The following SPAG16 variants were observed in gnomAD, a reference collection of about 807,000 sequenced individuals.
The protein encoded by SPAG16 is sperm associated antigen 16.
A neutral mutation model predicts 80.4 loss-of-function variants in SPAG16; 86 were observed. That is an observed-to-expected ratio of 1.07 (90% CI 0.90 to 1.28). The LOEUF is 1.28. SPAG16 is among the 50% of genes most tolerant of loss of function. The pLI is 0.00. For synonymous variants in SPAG16, 294 were observed against 265.9 expected, an observed-to-expected ratio of 1.11 and a Z score of -1.03; for missense variants, 870 against 765.3, an observed-to-expected ratio of 1.14 and a Z score of -1.61.
At chr2:213,426,474 A>AT (rs1347317683) in intron 9 of SPAG16, among the ~76,000 whole-genome samples, 2 of 151,544 alleles carry the variant, frequency 1.3e-5, no homozygotes, top group African/African-American at 4.9e-5. Context: ...CAATCTAATG[A>AT]TTCTTTTTTC....
intron 15 of SPAG16, among the ~76,000 whole-genome samples, chr2:214,232,817 G>T (rs576551033): frequency 6.6e-6 from 1 of 151,898 alleles, no homozygotes; most frequent in South Asian, 2.1e-4. Flanking sequence ...ATTCTGATGT[G>T]GTATGATTTT....
intron 9 of SPAG16, among the ~76,000 whole-genome samples, chr2:213,482,863 C>G (rs926341077): frequency 1.3e-5 from 2 of 152,016 alleles, no homozygotes; most frequent in Non-Finnish European, 2.9e-5. Context: ...TGCTTATATT[C>G]TTTTAAATAT....
chr2:214,356,010 T>A (rs1698770558), intron 15 of SPAG16, among the ~76,000 whole-genome samples: 1 of 109,208 alleles, frequency 9.2e-6, no homozygotes, highest in Non-Finnish European at 1.7e-5. Context: ...CATTACACTC[T>A]GGGGACTGTT....
chr2:213,415,071 C>T (rs992318994), intron 9 of SPAG16, among the ~76,000 whole-genome samples: 1 of 152,218 alleles, frequency 6.6e-6, no homozygotes, highest in African/African-American at 2.4e-5. Flanking sequence ...TCCCACAACA[C>T]GTGGGAATTA....
rs1168498687 is a variant in SPAG16 at position 214,174,524 on chromosome 2, G to A, written c.1720+25258G>A. The stretch of plus-strand genomic sequence containing the variant: ...AATACCTAGGAATCCAACTTACAAG[G>A]GACGTGAAGAGAAGTTATTAATGTT... On this transcript the variant is annotated intron_variant, in intron 15 of 15. Coordinates refer to ENST00000331683, the MANE Select transcript of SPAG16 (RefSeq NM_024532.5). Among the ~76,000 whole-genome samples, 3 of 151,946 alleles carry A rather than the reference G, an allele frequency of 2.0e-5. No individual in the cohort carries two copies. The South Asian group carries it at 6.2e-4, about 32-fold the overall frequency.
chr2:214,332,026 C>T lies in SPAG16; in HGVS notation c.1721-78114C>T, dbSNP rs557419042. Among the ~76,000 whole-genome samples, 5 of 152,252 alleles carry T rather than the reference C, an allele frequency of 3.3e-5. No homozygotes were observed. In the South Asian group the frequency reaches 8.3e-4, roughly 25 times the overall value. On this transcript the variant is annotated intron_variant, in intron 15 of 15. Coordinates refer to ENST00000331683, the MANE Select transcript of SPAG16 (RefSeq NM_024532.5). ...CAGCACTTTGGGAGGCTGAGGTGGG[C>T]AGATCACTCGAGGTCAGGAGTTCAA...
At chr2:214,092,377 A>C (rs2125319792) in intron 13 of SPAG16, among the ~76,000 whole-genome samples, 1 of 152,158 alleles carries the variant, frequency 6.6e-6, no homozygotes, top group Non-Finnish European at 1.5e-5. Context: ...GGTAGTTGTC[A>C]CTTTATTTTG....
At chr2:213,776,000 A>C (rs1051578832) in intron 10 of SPAG16, among the ~76,000 whole-genome samples, 1 of 152,262 alleles carries the variant, frequency 6.6e-6, no homozygotes, top group African/African-American at 2.4e-5. Flanking sequence ...CCACATTGGC[A>C]TAAATGTAAA....
chr2:214,375,284 G>GA (rs1237591693), intron 15 of SPAG16, among the ~76,000 whole-genome samples: 1 of 152,146 alleles, frequency 6.6e-6, no homozygotes, highest in African/African-American at 2.4e-5. Context: ...GAAATTGTTA[G>GA]AAAATGTGGA....
intron 10 of SPAG16, among the ~76,000 whole-genome samples, chr2:213,859,866 C>T (rs776051788): frequency 3.3e-5 from 5 of 152,150 alleles, no homozygotes; most frequent in African/African-American, 1.2e-4. Flanking sequence ...GTTGAGCATA[C>T]AGCAAATAAT....
At chr2:214,210,419 T>G (rs2058261234) in intron 15 of SPAG16, among the ~76,000 whole-genome samples, 1 of 152,124 alleles carries the variant, frequency 6.6e-6, no homozygotes, top group Non-Finnish European at 1.5e-5. Flanking sequence ...AAAATGTATT[T>G]AGATATTAGT....
intron 12 of SPAG16, among the ~76,000 whole-genome samples, chr2:214,012,769 G>A (rs543016628): frequency 1.6e-4 from 25 of 152,112 alleles, no homozygotes; most frequent in East Asian, 1.5e-3. Context: ...TGTATACTCC[G>A]TTTCATTGAG....
At chr2:213,887,006 A>ATAAGATT (rs1389296013) in intron 11 of SPAG16, among the ~76,000 whole-genome samples, 1 of 152,098 alleles carries the variant, frequency 6.6e-6, no homozygotes, top group Non-Finnish European at 1.5e-5. Context: ...AAAGTGAAAT[A>ATAAGATT]TAAGATTTTT....
chr2:213,301,706 T>A (rs2062746748), intron 3 of SPAG16, among the ~76,000 whole-genome samples: 2 of 152,232 alleles, frequency 1.3e-5, no homozygotes, highest in South Asian at 4.1e-4. Flanking sequence ...TTTCAGTTTA[T>A]CTCCCCTCTA....
chr2:213,815,955 G>A (rs2072506419), intron 10 of SPAG16, among the ~76,000 whole-genome samples: 1 of 151,982 alleles, frequency 6.6e-6, no homozygotes, highest in Admixed American at 6.6e-5. Context: ...AAAGAATTAG[G>A]CAGCTCACAT....
intron 10 of SPAG16, among the ~76,000 whole-genome samples, chr2:213,606,929 A>G (rs895428880): frequency 6.6e-6 from 1 of 152,242 alleles, no homozygotes; most frequent in Non-Finnish European, 1.5e-5. Context: ...AAATAAAAGG[A>G]TGGAGAAGGT....
chr2:213,730,646 T>C (rs1356028400), intron 10 of SPAG16, among the ~76,000 whole-genome samples: 2 of 152,216 alleles, frequency 1.3e-5, no homozygotes, highest in Non-Finnish European at 2.9e-5. Flanking sequence ...TTCTAAAGTT[T>C]AAATATGATG....
At chr2:214,032,221 T>G (rs2125054623) in intron 13 of SPAG16, among the ~76,000 whole-genome samples, 1 of 152,318 alleles carries the variant, frequency 6.6e-6, no homozygotes, top group South Asian at 2.1e-4. Flanking sequence ...GTTGCTCATG[T>G]CTGGTTGACA....
chr2:214,060,773 G>T (rs2050220854), intron 13 of SPAG16, among the ~76,000 whole-genome samples: 1 of 152,034 alleles, frequency 6.6e-6, no homozygotes, highest in South Asian at 2.1e-4. Flanking sequence ...GAGTTGGAAT[G>T]CTACAACACA....
Sources: gnomAD v4.1 joint callset for allele counts (sites outside exome capture counted in the v4.1 genomes callset) on GRCh38, gnomAD v4.1.1 for gene constraint, MANE v1.5 for transcripts, NCBI Gene and HGNC (gene_info 2026-07-23, HGNC 2026-07-21) for gene names.